Variants in PRMT2 observed in about 807,000 individuals in gnomAD.
PRMT2 encodes protein arginine methyltransferase 2.
In PRMT2, 26 loss-of-function variants were observed where a neutral mutation model predicts 57.6. That is an observed-to-expected ratio of 0.45 (90% CI 0.33 to 0.63). The LOEUF is 0.63. Ranked by LOEUF, PRMT2 falls within the 20% of genes least tolerant of loss-of-function variation. PRMT2 has a pLI of 0.02. For missense variants in PRMT2, 472 were observed against 564.4 expected (o/e 0.84, Z 1.66); for synonymous variants, 219 against 220.0 (o/e 1.00, Z 0.04).
rs2148955912 is a variant in PRMT2, at chr21:46,636,481, A to G, written c.-123A>G. On this transcript the variant is annotated 5_prime_UTR_variant, in exon 2 of 12. Coordinates refer to ENST00000355680, the MANE Select transcript of PRMT2 (RefSeq NM_206962.4). ...ACTATCACTGGAAAAATACGAATTG[A>G]GAAGAAGGAAAAGACTGGAAGATGC... is the stretch of plus-strand genomic sequence containing the variant. 1 of 155,774 alleles carries G rather than the reference A, an allele frequency of 6.4e-6. No individual in the cohort carries two copies. Among genetic ancestry groups the G allele is most frequent in the Admixed American group, 6.5e-5 (1 of 15,434 alleles). The allele number at this position is 155,774 out of a possible 1,614,324, so 9.6% of individuals were successfully genotyped here. A position where few individuals can be genotyped will look rare whatever the true frequency, so the allele number is the denominator to read the frequency against.
At chr21:46,658,669 C>G (rs541683775) in intron 7 of PRMT2, 76 bp from the exon 8 acceptor site, 3 of 1,570,268 alleles carry the variant, frequency 1.9e-6, no homozygotes, top group African/African-American at 1.3e-5. Context: ...ACTAGTGTTA[C>G]GAATGTGGTG....
rs746955510 is a variant in PRMT2, at chr21:46,658,912, C to T, written c.822C>T (p.Ser274=). The T allele has an allele frequency of 2.7e-5, 44 of 1,613,192 alleles. No homozygotes were observed. In the Admixed American group the frequency reaches 4.5e-4, roughly 17 times the overall value. The change falls in exon 8 of 12, where the codon AGC becomes AGT. Residue 274 remains serine (S), a synonymous_variant. Coordinates refer to ENST00000355680, the MANE Select transcript of PRMT2 (RefSeq NM_206962.4). ...ACAACGCGTACGAGTTCAACCTCAGCGCTCTGAAGTAAGTGTCCACAGCTG... is the reference window on the plus strand; with the variant it reads ...ACAACGCGTACGAGTTCAACCTCAGTGCTCTGAAGTAAGTGTCCACAGCTG... ...FWDNAYEFNL[S]ALKSLAVKEF... is the part of the protein sequence containing the mutation.
chr21:46,651,055 G>A (rs950535189), intron 7 of PRMT2, among the ~76,000 whole-genome samples: 10 of 152,242 alleles, frequency 6.6e-5, no homozygotes, highest in African/African-American at 2.4e-4. Flanking sequence ...GTGTGGCCGG[G>A]ACTGGAGGCC....
At chr21:46,663,107 G>T (rs2061655375) in intron 10 of PRMT2, among the ~76,000 whole-genome samples, 1 of 152,232 alleles carries the variant, frequency 6.6e-6, no homozygotes, top group South Asian at 2.1e-4. Flanking sequence ...TCAGGAGCAA[G>T]CTTGTGTTTG....
At chr21:46,643,702 A>C (rs952537732) in intron 4 of PRMT2, 63 bp downstream of exon 4, 243 of 1,518,234 alleles carry the variant, frequency 1.6e-4, no homozygotes, top group African/African-American at 8.1e-4. Context: ...AAAGGAGATA[A>C]ATTTTGCAGA....
chr21:46,658,540 C>A, intron 7 of PRMT2: 2 of 837,946 alleles, frequency 2.4e-6, no homozygotes, highest in Non-Finnish European at 3.5e-6. Context: ...TGACTTAAAC[C>A]CAGGCTGTGA....
chr21:46,655,789 A>G (rs1277660078), intron 7 of PRMT2, among the ~76,000 whole-genome samples: 4 of 152,350 alleles, frequency 2.6e-5, no homozygotes, highest in Non-Finnish European at 5.9e-5. Context: ...TGATGAGATG[A>G]TAATGAAAGA....
intron 10 of PRMT2, among the ~76,000 whole-genome samples, chr21:46,663,027 T>TC (rs1293557544): frequency 6.6e-6 from 1 of 152,036 alleles, no homozygotes; most frequent in Admixed American, 6.5e-5. Flanking sequence ...CAGCTGTGTG[T>TC]CCCCTGAGCT....
rs113714637 is a variant in PRMT2, at chr21:46,655,855, G to A, written c.655-2890G>A. ...TAAGAAGGCTCAACCTAGTAAAGAC[G>A]TATGTTCTTTTTAAATTGATCTGTA... On this transcript the variant is annotated intron_variant, in intron 7 of 11. Transcript: ENST00000355680. 6.4e-4 allele frequency among the ~76,000 whole-genome samples: 97 copies of A among 152,268 alleles called. 3 individuals carry two copies. The highest frequency in any genetic ancestry group is 3.4e-3 in the Middle Eastern group (1 of 294).
rs896657682 is a variant in PRMT2 at position 46,644,471 on chromosome 21, G to A, written c.310G>A (p.Gly104Ser). Residue 104 changes from glycine (G) to serine (S), a missense_variant, in exon 5 of 12, where the codon GGC becomes AGC. Coordinates refer to ENST00000355680, the MANE Select transcript of PRMT2 (RefSeq NM_206962.4). ...EDTWQDEEYF[G>S]SYGTLKLHLE... ...CACGTGGCAGGATGAAGAGTACTTC[G>A]GCAGCTATGGAACTCTGGTATTGCT... The A allele has an allele frequency of 1.1e-5, 17 of 1,586,724 alleles. No individual in the cohort carries two copies. Among genetic ancestry groups the A allele is most frequent in the Non-Finnish European group, 1.2e-5 (14 of 1,168,216 alleles).
intron 7 of PRMT2, chr21:46,652,215 G>A: frequency 4.4e-6 from 6 of 1,373,784 alleles, no homozygotes; most frequent in Non-Finnish European, 5.6e-6. Flanking sequence ...AGAAAAGGAG[G>A]AAACAAAAAA....
intron 7 of PRMT2, chr21:46,653,553 C>T (rs1460164050): frequency 9.7e-7 from 1 of 1,036,168 alleles, no homozygotes; most frequent in Non-Finnish European, 1.2e-6. Flanking sequence ...GAGGCCACAA[C>T]CAAGGCCGCC....
chr21:46,654,389 G>A (rs1159971282), intron 7 of PRMT2, among the ~76,000 whole-genome samples: 2 of 152,134 alleles, frequency 1.3e-5, no homozygotes, highest in Non-Finnish European at 2.9e-5. Flanking sequence ...TAGACATAGT[G>A]GTAACCTAGC....
At chr21:46,645,821 A>G (rs1031980010) in intron 5 of PRMT2, among the ~76,000 whole-genome samples, 10 of 151,848 alleles carry the variant, frequency 6.6e-5, no homozygotes, top group Admixed American at 5.2e-4. Flanking sequence ...GGTTCAAGCA[A>G]TTCTCCTGCC....
At chr21:46,643,475 C>CAGAA in intron 3 of PRMT2, 60 bp from the exon 4 acceptor site, 2 of 1,232,078 alleles carry the variant, frequency 1.6e-6, no homozygotes, top group Non-Finnish European at 1.0e-6. Context: ...ATAATATAGC[C>CAGAA]AAAAAAAAAA....
chr21:46,640,235 C>T (rs751066492), intron 3 of PRMT2, among the ~76,000 whole-genome samples: 19 of 152,196 alleles, frequency 1.2e-4, no homozygotes, highest in Middle Eastern at 3.4e-3. Flanking sequence ...TATTGCTTTA[C>T]GCTATCGAGT....
intron 3 of PRMT2, among the ~76,000 whole-genome samples, chr21:46,638,436 T>G (rs1021938114): frequency 6.6e-6 from 1 of 152,258 alleles, no homozygotes; most frequent in Non-Finnish European, 1.5e-5. Flanking sequence ...TAGTTTTTTC[T>G]ATTTCAAACA....
Position 46,663,537 on chromosome 21 carries a change from G to T in PRMT2, c.1252G>T (p.Asp418Tyr). The T allele has an allele frequency of 6.2e-7, 1 of 1,613,978 alleles. No homozygotes were observed. The highest frequency in any genetic ancestry group is 8.5e-7 in the Non-Finnish European group (1 of 1,179,836). ...GAGCTGGGCTGTCACTTCCAGACAA[G>T]ACCCCACATCTCAAAAAGTAAGATA... ...ALSWAVTSRQ[D>Y]PTSQKVGEKV... Residue 418 changes from aspartate (D) to tyrosine (Y), a missense_variant, in exon 11 of 12, where the codon GAC (aspartate) becomes TAC (tyrosine). Physicochemically the swap from Asp to Tyr is radical, Grantham distance 160 (BLOSUM62 -3). Around this residue, in one of 2 missense-constraint regions of PRMT2, gnomAD observed 229 missense variants for 217.2 expected, o/e 1.05. Transcript: ENST00000355680.
Position 46,648,587 on chromosome 21 carries a change from C to T in PRMT2, c.457C>T (p.Leu153Phe). ...GGGCTGTGGGACTGGGATCATCAGT[C>T]TCTTCTGTGCACACTATGCGCGGCC... ...DVGCGTGIIS[L>F]FCAHYARPRA... The change falls in exon 6 of 12, where the codon CTC becomes TTC. Residue 153 changes from leucine to phenylalanine, a missense_variant. This residue lies in a region of PRMT2 where 243 missense variants were observed against 347.2 expected (regional missense o/e 0.70). Transcript: ENST00000355680. The surrounding 1 kb of genome is among the most constrained non-coding windows in gnomAD (Gnocchi z 4.8). 1 of 1,614,232 alleles carries T rather than the reference C, an allele frequency of 6.2e-7. No individual in the cohort carries two copies. Among genetic ancestry groups the T allele is most frequent in the Non-Finnish European group, 8.5e-7 (1 of 1,180,034 alleles).
Sources: gnomAD v4.1 joint callset for allele counts (sites outside exome capture counted in the v4.1 genomes callset) on GRCh38, gnomAD v4.1.1 for gene constraint, gnomAD v4.1.1 regional missense constraint, Gnocchi (gnomAD v3.1) non-coding constraint, MANE v1.5 for transcripts, NCBI Gene and HGNC (gene_info 2026-07-23, HGNC 2026-07-21) for gene names.